Variants in ANKRD45 observed in about 807,000 individuals in gnomAD.
ANKRD45 encodes ankyrin repeat domain 45.
A neutral mutation model predicts 28.1 loss-of-function variants in ANKRD45; 21 were observed. The observed-to-expected ratio is 0.75, with a 90% CI of 0.53 to 1.08. The LOEUF (loss-of-function observed/expected upper bound fraction) is 1.08. Among genes scored for constraint, ANKRD45 ranks in the 50% least tolerant of loss-of-function variants. ANKRD45 has a pLI of 0.00. For missense variants in ANKRD45, 261 were observed against 308.7 expected (o/e 0.85, Z 1.16); for synonymous variants, 86 against 103.9 (o/e 0.83, Z 1.05).
rs578131921 is a variant in ANKRD45 at position 173,623,311 on chromosome 1, A to G, written c.730+1476T>C. Among the ~76,000 whole-genome samples the G allele has an allele frequency of 1.2e-3, 175 of 142,912 alleles. 1 individual carries two copies. The highest frequency in any genetic ancestry group is 4.4e-3 in the African/African-American group (170 of 38,770). The allele number at this position is 142,912 out of a possible 152,430, so 93.8% of individuals were successfully genotyped here. A position where few individuals can be genotyped will look rare whatever the true frequency, so the allele number is the denominator to read the frequency against. ...GTGACAAGAGTGAGACTCCGCCTCGAAAAAAAAAAAAACACATTCATGTAG... is the reference window on the plus strand; with the variant it reads ...GTGACAAGAGTGAGACTCCGCCTCGGAAAAAAAAAAAACACATTCATGTAG... On this transcript the variant is annotated intron_variant, in intron 5 of 5. Transcript: ENST00000333279.
At chr1:173,610,311 G>C in intron 5 of ANKRD45, 96 bp from the exon 6 acceptor site, 2 of 1,189,504 alleles carry the variant, frequency 1.7e-6, no homozygotes, top group Non-Finnish European at 2.5e-6. Context: ...GAATAAATTA[G>C]ATTGTCCCAG....
the ANKRD45 span, among the ~76,000 whole-genome samples, chr1:173,704,629 C>T: frequency 1.3e-5 from 2 of 152,168 alleles, no homozygotes; most frequent in Non-Finnish European, 2.9e-5. Context: ...TGAACAATTG[C>T]ACTTCAGTTG....
chr1:173,670,809 C>A (rs1670224603), upstream of ANKRD45, among the ~76,000 whole-genome samples: 1 of 152,196 alleles, frequency 6.6e-6, no homozygotes, highest in Non-Finnish European at 1.5e-5. Flanking sequence ...AACTGGTTAT[C>A]AGCAGCTTCC....
intron 2 of ANKRD45, among the ~76,000 whole-genome samples, chr1:173,652,775 C>T (rs1669295140): frequency 6.6e-6 from 1 of 152,094 alleles, no homozygotes; most frequent in Non-Finnish European, 1.5e-5. Context: ...AATTTCAGAT[C>T]CTGTTATTGG....
At chr1:173,635,960 C>T in intron 3 of ANKRD45, 1 of 754,294 alleles carries the variant, frequency 1.3e-6, no homozygotes, top group Non-Finnish European at 2.1e-6. Context: ...TAACCTTCCC[C>T]CAACTTCCCA....
At chr1:173,713,720 T>G in the ANKRD45 span, among the ~76,000 whole-genome samples, 593 of 151,832 alleles carry the variant, frequency 3.9e-3, 6 homozygotes, top group African/African-American at 0.014. Context: ...AGGAGGACCA[T>G]CTCCCATACC....
intron 2 of ANKRD45, among the ~76,000 whole-genome samples, chr1:173,656,812 A>G (rs1214520351): frequency 6.6e-6 from 1 of 151,980 alleles, no homozygotes; most frequent in Non-Finnish European, 1.5e-5. Context: ...CTTCTGAAAA[A>G]TCCAATGTTG....
the ANKRD45 span, among the ~76,000 whole-genome samples, chr1:173,684,659 A>G: frequency 2.0e-5 from 3 of 152,212 alleles, no homozygotes; most frequent in African/African-American, 7.2e-5. Flanking sequence ...TAGACCTTGC[A>G]ATGCCTTTGT....
chr1:173,636,251 T>C (rs926794328), intron 3 of ANKRD45, among the ~76,000 whole-genome samples: 7 of 152,166 alleles, frequency 4.6e-5, no homozygotes, highest in African/African-American at 1.7e-4. Context: ...GAAATCTAAG[T>C]ACAAAAGGTG....
At chr1:173,645,435 T>C (rs574502597) in intron 3 of ANKRD45, among the ~76,000 whole-genome samples, 40 of 152,328 alleles carry the variant, frequency 2.6e-4, no homozygotes, top group African/African-American at 8.4e-4. Context: ...GCAGCATTTT[T>C]CAAGTGCTGA....
chr1:173,711,467 G>C, the ANKRD45 span, among the ~76,000 whole-genome samples: 1 of 152,206 alleles, frequency 6.6e-6, no homozygotes, highest in Admixed American at 6.5e-5. Context: ...ACAAATTGTT[G>C]CATTCTTTTA....
intron 3 of ANKRD45, chr1:173,636,774 T>C (rs1668463435): frequency 7.8e-7 from 1 of 1,276,046 alleles, no homozygotes; most frequent in African/African-American, 1.5e-5. Context: ...TACTATAGTA[T>C]TGAACTCTAC....
the ANKRD45 span, among the ~76,000 whole-genome samples, chr1:173,701,642 G>A: frequency 1.3e-5 from 2 of 152,272 alleles, no homozygotes; most frequent in South Asian, 2.1e-4. Flanking sequence ...ACACAGGGCA[G>A]GGTACACCAC....
At chr1:173,682,684 TACACAC>T in the ANKRD45 span, among the ~76,000 whole-genome samples, 180 of 144,006 alleles carry the variant, frequency 1.2e-3, no homozygotes, top group East Asian at 7.2e-3. Flanking sequence ...GCCTTTTAAA[TACACAC>T]ACACACACAC....
At chr1:173,698,920 G>C in the ANKRD45 span, among the ~76,000 whole-genome samples, 1 of 150,928 alleles carries the variant, frequency 6.6e-6, no homozygotes, top group East Asian at 1.9e-4. Context: ...TTGATAGAGT[G>C]ATAGCAAGAC....
the ANKRD45 span, among the ~76,000 whole-genome samples, chr1:173,680,859 C>G: frequency 2.0e-3 from 305 of 150,084 alleles, 2 homozygotes; most frequent in African/African-American, 7.0e-3. Context: ...TCAGCTAACA[C>G]AAAAACAGAA....
chr1:173,658,899 TA>T, intron 2 of ANKRD45, 191 bp downstream of exon 2: 1 of 842,332 alleles, frequency 1.2e-6, no homozygotes, highest in Non-Finnish European at 1.6e-6. Flanking sequence ...GTCTATGTTC[TA>T]AAATACTATA....
chr1:173,615,746 T>A (rs1427628921), intron 5 of ANKRD45, among the ~76,000 whole-genome samples: 1 of 152,124 alleles, frequency 6.6e-6, no homozygotes, highest in Non-Finnish European at 1.5e-5. Flanking sequence ...ATACAACAGT[T>A]CATTGCAGCA....
the ANKRD45 span, among the ~76,000 whole-genome samples, chr1:173,680,966 G>C: frequency 6.6e-6 from 1 of 151,380 alleles, no homozygotes; most frequent in Admixed American, 6.6e-5. Flanking sequence ...GCCTGATGGT[G>C]GGTGGGGGGG....
Sources: allele counts gnomAD v4.1 joint callset (sites outside exome capture counted in the v4.1 genomes callset), GRCh38; gene constraint gnomAD v4.1.1; transcripts MANE v1.5; gene names NCBI Gene and HGNC (gene_info 2026-07-23, HGNC 2026-07-21).